The following ASAH2 variants were observed in gnomAD, a reference collection of about 807,000 sequenced individuals.
The protein encoded by ASAH2 is N-acylsphingosine amidohydrolase 2, also known as neutral ceramidase.
In ASAH2, 58 loss-of-function variants were observed where a neutral mutation model predicts 82.9. The ratio of observed to expected loss-of-function variants is 0.70; its 90% confidence interval spans 0.57 to 0.87. The LOEUF is 0.87. ASAH2 is among the 40% of genes least tolerant of loss of function. The pLI is 0.00. For synonymous variants in ASAH2, 276 were observed against 289.7 expected, an observed-to-expected ratio of 0.95 and a Z score of 0.48; for missense variants, 779 against 834.0, an observed-to-expected ratio of 0.93 and a Z score of 0.81.
At chr10:50,199,211 G>C in intron 16 of ASAH2, 65 bp from the exon 17 acceptor site, 1 of 1,558,586 alleles carries the variant, frequency 6.4e-7, no homozygotes, top group South Asian at 1.1e-5. Context: ...CAGAGGTGTA[G>C]CATTTTGGGT....
rs957468037 is a variant in ASAH2, at chr10:50,203,571, A to G, written c.1665+69T>C. On this transcript the variant is annotated intron_variant, in intron 15 of 20. Coordinates refer to ENST00000682911, the MANE Select transcript of ASAH2 (RefSeq NM_019893.4). ...TGTGGAACTCTAGATATAGGATCATAGGGATAGGATATACTTTCCTCTTCA... is the reference window on the plus strand; with the variant it reads ...TGTGGAACTCTAGATATAGGATCATGGGGATAGGATATACTTTCCTCTTCA... 1,892 of 532,368 alleles carry G rather than the reference A, an allele frequency of 3.6e-3. 24 individuals carry two copies. Among genetic ancestry groups the G allele is most frequent in the South Asian group, 0.018 (877 of 47,556 alleles). 33.0% of individuals were successfully genotyped at this position (532,368 alleles called of 1,614,324 possible).
chr10:50,195,104 C>A (rs1589318936), intron 18 of ASAH2, among the ~76,000 whole-genome samples: 1 of 149,768 alleles, frequency 6.7e-6, no homozygotes, highest in Admixed American at 6.7e-5. Flanking sequence ...AGTGAGGAGA[C>A]AACCTAAAGA....
Position 50,198,991 on chromosome 10 carries a change from T to TACACACACAC in ASAH2, c.1857+50_1857+59dup, listed in dbSNP as rs1264348423. 10 of 1,438,934 alleles carry TACACACACAC rather than the reference T, an allele frequency of 6.9e-6. No individual in the cohort carries two copies. In the African/African-American group the frequency reaches 8.5e-5, roughly 12 times the overall value. 89.1% of individuals were successfully genotyped at this position (1,438,934 alleles called of 1,614,324 possible). A position where few individuals can be genotyped will look rare whatever the true frequency, so the allele number is the denominator to read the frequency against. ...ACCCAGACACAGACACATACAGACA[T>TACACACACAC]ACACACACACACACACACACACGCA... On this transcript the variant is annotated intron_variant, in intron 17 of 20. Coordinates refer to ENST00000682911, the MANE Select transcript of ASAH2 (RefSeq NM_019893.4).
At chr10:50,248,111 T>C (rs541882942) in intron 2 of ASAH2, among the ~76,000 whole-genome samples, 2 of 152,346 alleles carry the variant, frequency 1.3e-5, no homozygotes, top group Admixed American at 6.5e-5. Context: ...AGTGAGTCTT[T>C]CATTCTCCTT....
At chr10:50,240,636 G>A (rs1274456471) in intron 4 of ASAH2, 1 of 701,462 alleles carries the variant, frequency 1.4e-6, no homozygotes, top group East Asian at 2.7e-5. Context: ...CCAACTACAT[G>A]CCTCCATATG....
At chr10:50,197,349 G>A (rs1845014098) in intron 17 of ASAH2, among the ~76,000 whole-genome samples, 1 of 151,074 alleles carries the variant, frequency 6.6e-6, no homozygotes, top group East Asian at 2.0e-4. Flanking sequence ...CTAGATTCTT[G>A]TCTGTGCTAA....
In ASAH2 at chr10:50,185,798, A is replaced by C. The variant is rs1318373909; in HGVS notation, c.*1517T>G. Reference sequence around the variant, plus strand: ...AAATTATGTTGAGATTAAGTTATACATAATAGATGTTAATACTACCATTAT... The same window carrying C: ...AAATTATGTTGAGATTAAGTTATACCTAATAGATGTTAATACTACCATTAT... On this transcript the variant is annotated 3_prime_UTR_variant, in exon 21 of 21. Coordinates refer to ENST00000682911, the MANE Select transcript of ASAH2 (RefSeq NM_019893.4). 11 of 144,614 alleles carry C rather than the reference A, an allele frequency of 7.6e-5. No homozygotes were observed. Among genetic ancestry groups the C allele is most frequent in the Admixed American group, 6.9e-4 (10 of 14,580 alleles). 9.0% of individuals were successfully genotyped at this position (144,614 alleles called of 1,614,324 possible). A position where few individuals can be genotyped will look rare whatever the true frequency, so the allele number is the denominator to read the frequency against.
intron 18 of ASAH2, among the ~76,000 whole-genome samples, chr10:50,195,112 A>G (rs1844941824): frequency 6.6e-6 from 1 of 151,412 alleles, no homozygotes; most frequent in African/African-American, 2.4e-5. Flanking sequence ...GACAACCTAA[A>G]GAATGGGAGA....
At chr10:50,199,010 A>ACG (rs1408567421) in intron 17 of ASAH2, 41 bp downstream of exon 17, 2 of 1,569,538 alleles carry the variant, frequency 1.3e-6, no homozygotes. Context: ...ACACACACAC[A>ACG]CACGCACGCG....
At chr10:50,198,087 T>C (rs1845036280) in intron 17 of ASAH2, among the ~76,000 whole-genome samples, 1 of 152,094 alleles carries the variant, frequency 6.6e-6, no homozygotes, top group African/African-American at 2.4e-5. Flanking sequence ...TAACTAATAA[T>C]ACAGGCATAT....
chr10:50,245,192 G>A, intron 3 of ASAH2, 30 bp downstream of exon 3: 1 of 1,506,822 alleles, frequency 6.6e-7, no homozygotes, highest in South Asian at 1.1e-5. Context: ...TTGTTTCACA[G>A]TCTCCTTAAG....
At chr10:50,237,675 C>T (rs532539660) in intron 4 of ASAH2, among the ~76,000 whole-genome samples, 10,431 of 152,218 alleles carry the variant, frequency 0.069, 901 homozygotes, top group African/African-American at 0.2. Flanking sequence ...ATGGTGCATA[C>T]ACATCAAGAA....
intron 7 of ASAH2, among the ~76,000 whole-genome samples, chr10:50,220,240 G>A (rs1378698519): frequency 6.6e-6 from 1 of 152,044 alleles, no homozygotes; most frequent in Non-Finnish European, 1.5e-5. Flanking sequence ...AAATGATTGG[G>A]GTTACATATT....
intron 7 of ASAH2, among the ~76,000 whole-genome samples, chr10:50,224,915 A>T (rs998850960): frequency 6.6e-6 from 1 of 152,190 alleles, no homozygotes; most frequent in Non-Finnish European, 1.5e-5. Flanking sequence ...AAGAATACAC[A>T]CCGGACTGCT....
intron 3 of ASAH2, 34 bp downstream of exon 3, chr10:50,245,188 C>T (rs765175355): frequency 2.0e-6 from 3 of 1,494,246 alleles, no homozygotes; most frequent in Non-Finnish European, 9.3e-7. Flanking sequence ...TTACTTGTTT[C>T]ACAGTCTCCT....
intron 4 of ASAH2, among the ~76,000 whole-genome samples, chr10:50,240,118 A>G (rs1210551390): frequency 2.0e-5 from 3 of 152,024 alleles, no homozygotes; most frequent in Non-Finnish European, 4.4e-5. Context: ...GTGAGCCACC[A>G]CACCCGGCTG....
chr10:50,251,018 G>A (rs1239777380), intron 1 of ASAH2, among the ~76,000 whole-genome samples: 1 of 152,114 alleles, frequency 6.6e-6, no homozygotes, highest in Non-Finnish European at 1.5e-5. Context: ...ATTTCTCATT[G>A]GTGATTAAAA....
chr10:50,232,898 A>G (rs1359939325), intron 7 of ASAH2, among the ~76,000 whole-genome samples: 1 of 152,122 alleles, frequency 6.6e-6, no homozygotes, highest in Admixed American at 6.6e-5. Context: ...TGTTTACTGA[A>G]TTTTTGTATC....
rs755842196 is a variant in ASAH2, at chr10:50,243,265, C to T, written c.447G>A (p.Gly149=). 7.4e-6 allele frequency: 12 copies of T among 1,613,980 alleles called. No homozygotes were observed. The highest frequency in any genetic ancestry group is 1.3e-5 in the African/African-American group (1 of 74,898). The change falls in exon 4 of 21, where the codon GGG becomes GGA. Residue 149 remains glycine (G), a synonymous_variant. Coordinates refer to ENST00000682911, the MANE Select transcript of ASAH2 (RefSeq NM_019893.4). The part of the protein sequence containing the change: ...SRAFIMAEPD[G]SNRTVFVSID... ...TGCTGACAAACACTGTTCGATTGGA[C>T]CCATCAGGTTCTGCCATGATGAAGG...
Sources: gnomAD v4.1 joint callset for allele counts (sites outside exome capture counted in the v4.1 genomes callset) on GRCh38, gnomAD v4.1.1 for gene constraint, MANE v1.5 for transcripts, NCBI Gene and HGNC (gene_info 2026-07-23, HGNC 2026-07-21) for gene names.